CSMD1: variants seen among roughly 807,000 people sequenced by gnomAD.
CSMD1 encodes CUB and Sushi multiple domains 1, also known as CUB and sushi domain-containing protein 1.
A neutral mutation model predicts 417.5 loss-of-function variants in CSMD1; 213 were observed. The ratio of observed to expected loss-of-function variants is 0.51; its 90% CI spans 0.46 to 0.57. The LOEUF (loss-of-function observed/expected upper bound fraction) is 0.57, where lower values mean the gene tolerates loss of function less well. Ranked by LOEUF, CSMD1 falls within the 20% of genes least tolerant of loss-of-function variation. CSMD1 has a pLI of 0.00. For synonymous variants in CSMD1, 2,862 were observed against 1,736.8 expected, an observed-to-expected ratio of 1.65 and a Z score of -16.11; for missense variants, 6,923 against 4,529.7, an observed-to-expected ratio of 1.53 and a Z score of -15.17.
At chr8:4,911,479 G>A (rs1289162099) in intron 1 of CSMD1, among the ~76,000 whole-genome samples, 1 of 152,100 alleles carries the variant, frequency 6.6e-6, no homozygotes, top group Non-Finnish European at 1.5e-5. Flanking sequence ...TGATTAAGGT[G>A]TGGGTCTATA....
At chr8:4,643,209 T>G (rs1298706769) in intron 1 of CSMD1, among the ~76,000 whole-genome samples, 1 of 152,224 alleles carries the variant, frequency 6.6e-6, no homozygotes, top group Non-Finnish European at 1.5e-5. Context: ...ACTGGCTCCT[T>G]TCTAAAACAA....
At chr8:3,319,832 G>A (rs567925445) in intron 23 of CSMD1, among the ~76,000 whole-genome samples, 17 of 152,178 alleles carry the variant, frequency 1.1e-4, no homozygotes, top group African/African-American at 4.1e-4. Context: ...AATTTTCATT[G>A]TCTAAATCTC....
intron 18 of CSMD1, among the ~76,000 whole-genome samples, chr8:3,375,675 A>G (rs1216798677): frequency 6.6e-6 from 1 of 152,168 alleles, no homozygotes; most frequent in Non-Finnish European, 1.5e-5. Flanking sequence ...GGGGCAGTCC[A>G]GCTGCATAGG....
intron 5 of CSMD1, among the ~76,000 whole-genome samples, chr8:3,984,706 TATATATATATATATATATATATA>T (rs1814176724): frequency 6.3e-5 from 3 of 47,260 alleles, no homozygotes; most frequent in African/African-American, 1.7e-4. Flanking sequence ...GTATATATCA[TATATATATATATATATATATATA>T]TATATATATA....
intron 2 of CSMD1, among the ~76,000 whole-genome samples, chr8:4,441,364 G>A (rs572133992): frequency 6.8e-6 from 1 of 146,490 alleles, no homozygotes; most frequent in South Asian, 2.2e-4. Context: ...CCTCCTGTCT[G>A]AGCCTCCTAA....
intron 1 of CSMD1, among the ~76,000 whole-genome samples, chr8:4,679,144 T>C (rs574537846): frequency 2.4e-4 from 37 of 152,274 alleles, no homozygotes; most frequent in Non-Finnish European, 5.3e-4. Context: ...CCCTTCTTGA[T>C]ATGGCCAAGA....
intron 5 of CSMD1, among the ~76,000 whole-genome samples, chr8:3,860,453 A>G (rs1804622281): frequency 6.6e-6 from 1 of 152,152 alleles, no homozygotes; most frequent in Non-Finnish European, 1.5e-5. Flanking sequence ...TCCTATTTGA[A>G]TGTAGGAGTT....
intron 3 of CSMD1, among the ~76,000 whole-genome samples, chr8:4,376,120 G>T (rs1214920193): frequency 6.6e-6 from 1 of 152,192 alleles, no homozygotes; most frequent in Non-Finnish European, 1.5e-5. Flanking sequence ...CTTATCAAAA[G>T]ATATGGAAAT....
chr8:4,098,818 C>G (rs867106768), intron 3 of CSMD1, among the ~76,000 whole-genome samples: 1 of 152,182 alleles, frequency 6.6e-6, no homozygotes, highest in Non-Finnish European at 1.5e-5. Context: ...AAAGTTGTCT[C>G]TTCTCATCAC....
intron 5 of CSMD1, among the ~76,000 whole-genome samples, chr8:3,893,159 C>G (rs1028040174): frequency 6.0e-5 from 9 of 151,206 alleles, no homozygotes; most frequent in African/African-American, 1.5e-4. Context: ...AGTCTTTAGC[C>G]AAAGCTGCAG....
chr8:3,546,433 G>A (rs764269830), intron 10 of CSMD1, among the ~76,000 whole-genome samples: 1 of 152,006 alleles, frequency 6.6e-6, no homozygotes, highest in Non-Finnish European at 1.5e-5. Context: ...CTACTTGGGA[G>A]GCTGAGGCAG....
intron 2 of CSMD1, among the ~76,000 whole-genome samples, chr8:4,474,181 G>C (rs142554898): frequency 6.6e-6 from 1 of 152,020 alleles, no homozygotes; most frequent in South Asian, 2.1e-4. Flanking sequence ...AATAATCTTC[G>C]TAAGTGAAAA....
At chr8:3,805,650 A>C (rs1251213651) in intron 5 of CSMD1, among the ~76,000 whole-genome samples, 1 of 152,276 alleles carries the variant, frequency 6.6e-6, no homozygotes, top group East Asian at 1.9e-4. Flanking sequence ...GAGTAAAATG[A>C]AGGCAAGTTG....
chr8:4,198,931 T>C (rs1356262655), intron 3 of CSMD1, among the ~76,000 whole-genome samples: 3 of 144,946 alleles, frequency 2.1e-5, no homozygotes, highest in Non-Finnish European at 4.5e-5. Flanking sequence ...TTTTTTTGTA[T>C]TTCCGTGTGT....
intron 5 of CSMD1, among the ~76,000 whole-genome samples, chr8:3,984,315 C>T (rs1240919607): frequency 1.3e-5 from 2 of 152,080 alleles, no homozygotes; most frequent in East Asian, 1.9e-4. Flanking sequence ...GTTTACTGAG[C>T]CAAATTTCGA....
chr8:3,622,590 T>C (rs1245804633), intron 7 of CSMD1, among the ~76,000 whole-genome samples: 1 of 152,240 alleles, frequency 6.6e-6, no homozygotes, highest in African/African-American at 2.4e-5. Context: ...GTTGGAATTC[T>C]GTGAAGGCGC....
At chr8:4,023,783 TTGTG>T (rs1389380492) in intron 4 of CSMD1, among the ~76,000 whole-genome samples, 28 of 71,038 alleles carry the variant, frequency 3.9e-4, no homozygotes, top group South Asian at 1.2e-3. Flanking sequence ...TTTTTTTTTT[TTGTG>T]TGTGTATTTT....
chr8:4,475,119 A>G (rs1211095354), intron 2 of CSMD1, among the ~76,000 whole-genome samples: 1 of 152,106 alleles, frequency 6.6e-6, no homozygotes, highest in East Asian at 1.9e-4. Flanking sequence ...GTGTTTTAGG[A>G]TGCTTTATTA....
At chr8:4,439,425 A>G (rs1798334318) in intron 2 of CSMD1, among the ~76,000 whole-genome samples, 1 of 152,138 alleles carries the variant, frequency 6.6e-6, no homozygotes, top group Admixed American at 6.5e-5. Flanking sequence ...ATATTTAATA[A>G]TGTAATGATT....
Sources: gnomAD v4.1 joint callset for allele counts (sites outside exome capture counted in the v4.1 genomes callset) on GRCh38, gnomAD v4.1.1 for gene constraint, MANE v1.5 for transcripts, NCBI Gene and HGNC (gene_info 2026-07-23, HGNC 2026-07-21) for gene names.